The following KSR2 variants were observed in gnomAD, a reference collection of about 807,000 sequenced individuals.
KSR2 encodes the protein kinase suppressor of ras 2.
Under a neutral mutation model 107.8 loss-of-function variants are expected in KSR2, and 25 were observed. The ratio of observed to expected loss-of-function variants is 0.23; its 90% confidence interval spans 0.17 to 0.32. KSR2 has a LOEUF of 0.32. Among genes scored for constraint, KSR2 ranks in the 10% least tolerant of loss-of-function variants. KSR2 has a pLI of 1.00. For synonymous variants in KSR2, 480 were observed against 507.0 expected, an observed-to-expected ratio of 0.95 and a Z score of 0.71; for missense variants, 887 against 1,268.9, an observed-to-expected ratio of 0.70 and a Z score of 4.57.
chr12:117,926,237 C>T (rs1187420766), intron 1 of KSR2, among the ~76,000 whole-genome samples: 1 of 152,104 alleles, frequency 6.6e-6, no homozygotes, highest in Non-Finnish European at 1.5e-5. Context: ...GGAGAAAACC[C>T]AGCTCTCTCC....
chr12:117,501,966 A>G (rs1873405480), intron 14 of KSR2, among the ~76,000 whole-genome samples: 3 of 152,256 alleles, frequency 2.0e-5, no homozygotes, highest in African/African-American at 7.2e-5. Flanking sequence ...GACAAATCCA[A>G]AATTGCTTTA....
chr12:117,500,452 A>T (rs1200371903), intron 14 of KSR2, among the ~76,000 whole-genome samples: 1 of 152,226 alleles, frequency 6.6e-6, no homozygotes, highest in Non-Finnish European at 1.5e-5. Context: ...ACCTAACCCC[A>T]TAAGACAGGT....
At chr12:117,777,463 G>A (rs1212670253) in intron 3 of KSR2, among the ~76,000 whole-genome samples, 1 of 152,156 alleles carries the variant, frequency 6.6e-6, no homozygotes, top group South Asian at 2.1e-4. Flanking sequence ...TGAAATGAGA[G>A]GGCAGAATGC....
intron 5 of KSR2, among the ~76,000 whole-genome samples, 155 bp downstream of exon 5, chr12:117,667,319 G>A (rs1027668321): frequency 2.0e-5 from 3 of 152,228 alleles, no homozygotes; most frequent in African/African-American, 7.2e-5. Flanking sequence ...TGGGGGGGCT[G>A]TGGGCAGATG....
intron 4 of KSR2, among the ~76,000 whole-genome samples, chr12:117,755,531 C>T (rs1888759220): frequency 6.6e-6 from 1 of 152,134 alleles, no homozygotes; most frequent in African/African-American, 2.4e-5. Flanking sequence ...ATAAATCGAT[C>T]AATGTTGTAT....
intron 4 of KSR2, among the ~76,000 whole-genome samples, chr12:117,734,298 AAAG>A (rs1316103108): frequency 7.1e-6 from 1 of 140,906 alleles, no homozygotes; most frequent in Non-Finnish European, 1.5e-5. Context: ...AAAAAAAAAA[AAAG>A]AGAGAAACTA....
chr12:117,579,324 G>A (rs1353872731), intron 6 of KSR2, 122 bp from the exon 7 acceptor site: 1 of 733,064 alleles, frequency 1.4e-6, no homozygotes, highest in Non-Finnish European at 2.4e-6. Flanking sequence ...TTTCTTTCGA[G>A]CTGTGTGACT....
intron 14 of KSR2, among the ~76,000 whole-genome samples, chr12:117,510,695 T>C (rs941864529): frequency 2.6e-5 from 4 of 152,012 alleles, no homozygotes; most frequent in African/African-American, 7.3e-5. Flanking sequence ...CTGGGCAACA[T>C]GGAGAAATCC....
At chr12:117,714,835 T>G (rs1010562511) in intron 4 of KSR2, among the ~76,000 whole-genome samples, 2 of 152,240 alleles carry the variant, frequency 1.3e-5, no homozygotes, top group African/African-American at 4.8e-5. Context: ...ACATCTACAA[T>G]GCACAGGACA....
chr12:117,967,916 A>C (rs1029886562), intron 1 of KSR2, among the ~76,000 whole-genome samples, 160 bp downstream of exon 1: 2 of 151,984 alleles, frequency 1.3e-5, no homozygotes, highest in Admixed American at 6.6e-5. Flanking sequence ...GAGAAATCAC[A>C]GAAAAGCAAA....
At chr12:117,909,121 T>C (rs1185557432) in intron 1 of KSR2, among the ~76,000 whole-genome samples, 2 of 152,182 alleles carry the variant, frequency 1.3e-5, no homozygotes, top group African/African-American at 2.4e-5. Context: ...GGTCCCATGC[T>C]GGAATCCAGC....
chr12:117,813,612 G>A lies in KSR2; in HGVS notation c.472+41816C>T, dbSNP rs1566028273. On this transcript the variant is annotated intron_variant, in intron 3 of 19. Coordinates refer to ENST00000339824, the MANE Select transcript of KSR2 (RefSeq NM_173598.6). ...ATATCATCTCACACCAGTTAGAATGGCTACTATCAGAAAGACAACAAATAA... is the reference window on the plus strand; with the variant it reads ...ATATCATCTCACACCAGTTAGAATGACTACTATCAGAAAGACAACAAATAA... Among the ~76,000 whole-genome samples the A allele has an allele frequency of 3.3e-5, 5 of 152,256 alleles. No homozygotes were observed. The East Asian group carries it at 9.7e-4, about 29-fold the overall frequency.
chr12:117,875,538 C>T (rs188458325), intron 1 of KSR2, among the ~76,000 whole-genome samples: 2 of 152,114 alleles, frequency 1.3e-5, no homozygotes, highest in Admixed American at 1.3e-4. Flanking sequence ...ACAGGGCTGG[C>T]CTTATGGTCA....
At chr12:117,551,192 C>T (rs1877281950) in intron 9 of KSR2, among the ~76,000 whole-genome samples, 1 of 152,100 alleles carries the variant, frequency 6.6e-6, no homozygotes, top group African/African-American at 2.4e-5. Flanking sequence ...GCTTCTCCTC[C>T]TTCCCCCTCC....
chr12:117,798,793 T>C (rs529432470), intron 3 of KSR2, among the ~76,000 whole-genome samples: 1 of 151,984 alleles, frequency 6.6e-6, no homozygotes, highest in Non-Finnish European at 1.5e-5. Flanking sequence ...TCCATGTTCA[T>C]AGAATAATTA....
intron 4 of KSR2, among the ~76,000 whole-genome samples, chr12:117,679,857 G>A (rs1885296396): frequency 6.6e-6 from 1 of 152,114 alleles, no homozygotes; most frequent in African/African-American, 2.4e-5. Flanking sequence ...CCCTCATCTT[G>A]TTTTGGTAAA....
intron 4 of KSR2, among the ~76,000 whole-genome samples, chr12:117,743,138 C>T (rs1888284102): frequency 6.6e-6 from 1 of 152,228 alleles, no homozygotes; most frequent in Non-Finnish European, 1.5e-5. Context: ...TCCAATTCGC[C>T]AATCACCATC....
intron 5 of KSR2, among the ~76,000 whole-genome samples, chr12:117,634,082 C>A (rs1454557870): frequency 3.3e-5 from 5 of 152,166 alleles, no homozygotes; most frequent in Admixed American, 1.3e-4. Flanking sequence ...CCTAGCCCAG[C>A]CCCTAGCATG....
chr12:117,932,149 T>C (rs1593380234), intron 1 of KSR2, among the ~76,000 whole-genome samples: 1 of 151,968 alleles, frequency 6.6e-6, no homozygotes, highest in African/African-American at 2.4e-5. Flanking sequence ...TAGCTGGGCA[T>C]GATGGTGGGC....
Sources: allele counts gnomAD v4.1 joint callset (sites outside exome capture counted in the v4.1 genomes callset), GRCh38; gene constraint gnomAD v4.1.1; transcripts MANE v1.5; gene names NCBI Gene and HGNC (gene_info 2026-07-23, HGNC 2026-07-21).